Variants in PCDHGB3 observed in about 807,000 individuals in gnomAD.
PCDHGB3 encodes protocadherin gamma-B3.
In PCDHGB3, 40 loss-of-function variants were observed where a neutral mutation model predicts 59.2. That is an observed-to-expected ratio of 0.68 (90% CI 0.52 to 0.88). The LOEUF is 0.88. PCDHGB3 is among the 40% of genes least tolerant of loss of function. The probability of loss-of-function intolerance (pLI) is 0.00; values close to 1 mark genes in which losing one functional copy is unlikely to be tolerated. For synonymous variants in PCDHGB3, 581 were observed against 503.6 expected, an observed-to-expected ratio of 1.15 and a Z score of -2.06; for missense variants, 1,309 against 1,187.9, an observed-to-expected ratio of 1.10 and a Z score of -1.50.
chr5:141,372,977 T>G, intron 1 of PCDHGB3, 168 bp downstream of exon 1: 1 of 661,716 alleles, frequency 1.5e-6, no homozygotes, highest in Non-Finnish European at 2.5e-6. Flanking sequence ...CTGTAGAATA[T>G]CTGTGTTGCA....
chr5:141,392,775 A>C (rs777775450), intron 1 of PCDHGB3: 1 of 1,524,280 alleles, frequency 6.6e-7, no homozygotes, highest in South Asian at 1.3e-5. Context: ...CCATTTATGC[A>C]CAGTGAAGAT....
rs1554175372 is a variant in PCDHGB3, at chr5:141,490,827, G to A, written c.2416-3980G>A. ...CCTTTGACTATGAATTGCTGCAGAT[G>A]CTGCAGATTGTGGTGGGGGTTCGAG... On this transcript the variant is annotated intron_variant, in intron 1 of 3. Transcript: ENST00000576222. This position sits in a 1 kb window ranked among gnomAD's most constrained non-coding sequence, Gnocchi z 5.4. 1 of 1,613,744 alleles carries A rather than the reference G, an allele frequency of 6.2e-7. No individual in the cohort carries two copies. Among genetic ancestry groups the A allele is most frequent in the Non-Finnish European group, 8.5e-7 (1 of 1,179,828 alleles).
chr5:141,426,596 C>T (rs1408090148), intron 1 of PCDHGB3: 9 of 377,102 alleles, frequency 2.4e-5, no homozygotes, highest in Middle Eastern at 3.9e-4. Context: ...GTGTCATACC[C>T]TTAGAGATTG....
intron 1 of PCDHGB3, chr5:141,375,733 G>C: frequency 6.2e-7 from 1 of 1,614,248 alleles, no homozygotes; most frequent in South Asian, 1.1e-5. Context: ...CACTGAGCCT[G>C]TTTGTGCTGG....
Position 141,431,325 on chromosome 5 carries a change from G to GT in PCDHGB3, c.2415+58517dup, listed in dbSNP as rs1340996903. On this transcript the variant is annotated intron_variant, in intron 1 of 3. Transcript: ENST00000576222. This position sits in a 1 kb window ranked among gnomAD's most constrained non-coding sequence, Gnocchi z 4.8. ...ATCGTGCAAAATGGAGCCGACGGTA[G>GT]TAAGTACCCCGAATTGGTGCTGAAA... 22 of 1,614,028 alleles carry GT rather than the reference G, an allele frequency of 1.4e-5. No homozygotes were observed. In the Admixed American group the frequency reaches 2.5e-4, roughly 18 times the overall value.
chr5:141,472,145 A>C (rs1376068421), intron 1 of PCDHGB3, among the ~76,000 whole-genome samples: 1 of 152,244 alleles, frequency 6.6e-6, no homozygotes, highest in Non-Finnish European at 1.5e-5. Context: ...TAAAAGTTTC[A>C]TGGTTACATA....
chr5:141,475,955 C>A, intron 1 of PCDHGB3: 1 of 800,218 alleles, frequency 1.2e-6, no homozygotes, highest in Non-Finnish European at 1.9e-6. Flanking sequence ...TTCTGCGCCC[C>A]GGGATGAGGC....
chr5:141,415,873 G>A lies in PCDHGB3; in HGVS notation c.2415+43064G>A, dbSNP rs905638480. The A allele has an allele frequency of 9.6e-6, 10 of 1,046,220 alleles. No homozygotes were observed. In the East Asian group the frequency reaches 1.8e-4, roughly 19 times the overall value. The allele number at this position is 1,046,220 out of a possible 1,614,324, so 64.8% of individuals were successfully genotyped here. A position where few individuals can be genotyped will look rare whatever the true frequency, so the allele number is the denominator to read the frequency against. On this transcript the variant is annotated intron_variant, in intron 1 of 3. Transcript: ENST00000576222. ...ACCTTGTAGTTTATAGTGTTGTTGA[G>A]TACAATATTGACAATTCCTAAGACA...
chr5:141,458,970 C>T (rs1260904595), intron 1 of PCDHGB3, among the ~76,000 whole-genome samples: 1 of 152,170 alleles, frequency 6.6e-6, no homozygotes, highest in Admixed American at 6.6e-5. Flanking sequence ...CAGCCTCAAG[C>T]AGTCCTCCTG....
intron 1 of PCDHGB3, chr5:141,382,985 G>C (rs769787880): frequency 1.2e-6 from 2 of 1,613,304 alleles, no homozygotes; most frequent in African/African-American, 2.7e-5. Context: ...GCCTGGGCAG[G>C]ACGTATTCTC....
intron 1 of PCDHGB3, among the ~76,000 whole-genome samples, chr5:141,450,829 A>ATTTT (rs373424450): frequency 2.2e-4 from 30 of 135,142 alleles, no homozygotes; most frequent in African/African-American, 6.3e-4. Flanking sequence ...TATTATTATT[A>ATTTT]TTTTTTTTTT....
rs559433377 is a variant in PCDHGB3, at chr5:141,432,679, G to A, written c.2415+59870G>A. ...TGCTGGACAGAGACGCGCTCAAGCAGAGCCTCGTAGTGGCCGTCCAGGACC... is the reference window on the plus strand; with the variant it reads ...TGCTGGACAGAGACGCGCTCAAGCAAAGCCTCGTAGTGGCCGTCCAGGACC... On this transcript the variant is annotated intron_variant, in intron 1 of 3. Transcript: ENST00000576222. The surrounding 1 kb of genome is among the most constrained non-coding windows in gnomAD (Gnocchi z 6.0). The A allele has an allele frequency of 2.3e-4, 369 of 1,613,834 alleles. 1 individual carries two copies. The highest frequency in any genetic ancestry group is 1.7e-4 in the Middle Eastern group (1 of 6,056).
At chr5:141,415,116 A>T in intron 1 of PCDHGB3, 1 of 1,613,652 alleles carries the variant, frequency 6.2e-7, no homozygotes, top group Non-Finnish European at 8.5e-7. Flanking sequence ...AAAGCCTCGT[A>T]GTGGCCGTCC....
rs1213653891 is a variant in PCDHGB3 at position 141,419,687 on chromosome 5, C to T, written c.2415+46878C>T. 1.9e-6 allele frequency: 3 copies of T among 1,612,692 alleles called. No individual in the cohort carries two copies. In the African/African-American group the frequency reaches 4.0e-5, roughly 22 times the overall value. On this transcript the variant is annotated intron_variant, in intron 1 of 3. Transcript: ENST00000576222. ...TGCCTGGCTGTCCTACCACGTGGTG[C>T]AGGCCAGTGAGCCCGGGCTCTTCAG...
rs1207647899 is a variant in PCDHGB3, at chr5:141,491,938, C to T, written c.2416-2869C>T. The T allele has an allele frequency of 1.6e-5, 19 of 1,199,190 alleles. No homozygotes were observed. Among genetic ancestry groups the T allele is most frequent in the Non-Finnish European group, 2.1e-5 (18 of 875,372 alleles). 74.3% of individuals were successfully genotyped at this position (1,199,190 alleles called of 1,614,324 possible). ...TGTGGGCGAGGGGAGGTGGGACCGA[C>T]CCCCACCCCTACACTCAAAAAAGGC... is the stretch of plus-strand genomic sequence containing the variant. On this transcript the variant is annotated intron_variant, in intron 1 of 3. Coordinates refer to ENST00000576222, the MANE Select transcript of PCDHGB3 (RefSeq NM_018924.5). This position sits in a 1 kb window ranked among gnomAD's most constrained non-coding sequence, Gnocchi z 6.9.
chr5:141,460,961 ATG>A (rs35821115), intron 1 of PCDHGB3, among the ~76,000 whole-genome samples: 22,194 of 144,260 alleles, frequency 0.15, 1,877 homozygotes, highest in South Asian at 0.27. Context: ...GTATATATAT[ATG>A]TGTGTGTGTG....
chr5:141,370,807 C>T lies in PCDHGB3; in HGVS notation c.413C>T (p.Thr138Ile). 2 of 1,614,036 alleles carry T rather than the reference C, an allele frequency of 1.2e-6. No homozygotes were observed. Among genetic ancestry groups the T allele is most frequent in the Non-Finnish European group, 1.7e-6 (2 of 1,179,902 alleles). Residue 138 changes from threonine (T) to isoleucine (I), a missense_variant, in exon 1 of 4, where the codon ACT (threonine) becomes ATT (isoleucine). By Grantham distance (89) the Thr-to-Ile change is moderately conservative. Coordinates refer to ENST00000576222, the MANE Select transcript of PCDHGB3 (RefSeq NM_018924.5). ...DNPPTFSQNI[T>I]ELEISELALT... ...CCACCGACCTTTAGCCAAAATATCA[C>T]TGAGCTGGAAATCAGCGAACTGGCT...
In PCDHGB3 at chr5:141,387,729, A is replaced by C. The variant is rs536775462; in HGVS notation, c.2415+14920A>C. ...GCCCCAGCTCAGACTCCCCAGCGCC[A>C]GCCTTTACACCGCTTCCTCCTCGGA... On this transcript the variant is annotated intron_variant, in intron 1 of 3. Coordinates refer to ENST00000576222, the MANE Select transcript of PCDHGB3 (RefSeq NM_018924.5). The C allele has an allele frequency of 4.9e-6, 6 of 1,227,140 alleles. No individual in the cohort carries two copies. The African/African-American group carries it at 7.6e-5, about 16-fold the overall frequency. The allele number at this position is 1,227,140 out of a possible 1,614,324, so 76.0% of individuals were successfully genotyped here.
At chr5:141,502,697 T>C (rs893610041) in intron 2 of PCDHGB3, among the ~76,000 whole-genome samples, 13 of 152,208 alleles carry the variant, frequency 8.5e-5, no homozygotes, top group African/African-American at 3.1e-4. Context: ...CTTGCCTGTA[T>C]CTGTTTTTAC....
Sources: allele counts gnomAD v4.1 joint callset (sites outside exome capture counted in the v4.1 genomes callset), GRCh38; gene constraint gnomAD v4.1.1; non-coding constraint Gnocchi (gnomAD v3.1); transcripts MANE v1.5; gene names NCBI Gene and HGNC (gene_info 2026-07-23, HGNC 2026-07-21).